The following XPO1 variants were observed in gnomAD, a reference collection of about 807,000 sequenced individuals.
XPO1 encodes exportin 1.
XPO1 carries 5 observed loss-of-function variants against 133.3 expected under a neutral mutation model. The ratio of observed to expected loss-of-function variants is 0.04; its 90% CI spans 0.02 to 0.08. XPO1 has a LOEUF of 0.08. Ranked by LOEUF, XPO1 falls within the 10% of genes least tolerant of loss-of-function variation. The pLI, the probability that XPO1 is intolerant of heterozygous loss-of-function variation, is 1.00. For synonymous variants in XPO1, 419 were observed against 408.2 expected, an observed-to-expected ratio of 1.03 and a Z score of -0.32; for missense variants, 506 against 1,267.5, an observed-to-expected ratio of 0.40 and a Z score of 9.12.
At chr2:61,488,127 C>A (rs751857598) in intron 19 of XPO1, 38 bp downstream of exon 19, 23 of 1,560,990 alleles carry the variant, frequency 1.5e-5, no homozygotes, top group Middle Eastern at 1.7e-4. Context: ...AACACAGCAT[C>A]AACACTAGAA....
intron 2 of XPO1, among the ~76,000 whole-genome samples, chr2:61,528,770 T>C (rs1699028134): frequency 1.2e-5 from 1 of 81,310 alleles, no homozygotes; most frequent in African/African-American, 4.4e-5. Context: ...TATATATATA[T>C]ATATATATAT....
intron 6 of XPO1, 63 bp from the exon 7 acceptor site, chr2:61,499,957 A>G: frequency 6.7e-7 from 1 of 1,498,948 alleles, no homozygotes; most frequent in East Asian, 2.3e-5. Flanking sequence ...AACAAACTTC[A>G]AAGAAATTAT....
At chr2:61,481,850 C>T (rs1696376162) in intron 23 of XPO1, among the ~76,000 whole-genome samples, 2 of 151,894 alleles carry the variant, frequency 1.3e-5, no homozygotes. Flanking sequence ...AGTTCTCCCC[C>T]TCAGCCTCCC....
intron 3 of XPO1, among the ~76,000 whole-genome samples, chr2:61,522,928 G>A (rs1179099670): frequency 6.6e-6 from 1 of 152,108 alleles, no homozygotes; most frequent in Non-Finnish European, 1.5e-5. Flanking sequence ...CTCACACCAG[G>A]AGGAAGAACC....
At chr2:61,532,494 C>A (rs1165617681) in intron 2 of XPO1, among the ~76,000 whole-genome samples, 3 of 152,038 alleles carry the variant, frequency 2.0e-5, no homozygotes, top group Non-Finnish European at 2.9e-5. Context: ...CATCTACTAG[C>A]TGAACATTTA....
chr2:61,537,783 A>ACACC lies in XPO1; in HGVS notation c.-229_-228insGGTG, dbSNP rs1236674701. 30 of 130,900 alleles carry ACACC rather than the reference A, an allele frequency of 2.3e-4. No homozygotes were observed. Among genetic ancestry groups the ACACC allele is most frequent in the South Asian group, 7.5e-4 (3 of 4,012 alleles). The allele number at this position is 130,900 out of a possible 1,614,324, so 8.1% of individuals were successfully genotyped here. On this transcript the variant is annotated 5_prime_UTR_variant, in exon 1 of 25. Coordinates refer to ENST00000401558, the MANE Select transcript of XPO1 (RefSeq NM_003400.4). The stretch of plus-strand genomic sequence containing the variant: ...CACACACACACACACACACACACAC[A>ACACC]CCCGCCCCCCCCCAAAAGGGGAATT...
At chr2:61,498,585 G>A in intron 9 of XPO1, 88 bp downstream of exon 9, 1 of 1,521,418 alleles carries the variant, frequency 6.6e-7, no homozygotes. Context: ...GGTTGAATAA[G>A]GTTTAGAATG....
Position 61,497,005 on chromosome 2 carries a change from G to A in XPO1, c.762C>T (p.Phe254=), listed in dbSNP as rs2104472864. ...TKLISTLIYK[F]LNVPMFRNVS... ...CATTTCGAAACATTGGAACATTCAG[G>A]AACTATTTAAAAGGGGGGAGGGAAC... The change falls in exon 10 of 25, where the codon TTC becomes TTT. Residue 254 remains phenylalanine (F), a splice_region_variant and synonymous_variant. Coordinates refer to ENST00000401558, the MANE Select transcript of XPO1 (RefSeq NM_003400.4). 3 of 1,609,278 alleles carry A rather than the reference G, an allele frequency of 1.9e-6. No homozygotes were observed. The highest frequency in any genetic ancestry group is 2.5e-6 in the Non-Finnish European group (3 of 1,178,742).
intron 9 of XPO1, among the ~76,000 whole-genome samples, chr2:61,497,580 T>C (rs980899834): frequency 6.6e-6 from 1 of 152,208 alleles, no homozygotes; most frequent in Non-Finnish European, 1.5e-5. Flanking sequence ...ATCTGTGATA[T>C]GACTTTTAGG....
At position 61,478,085 on chromosome 2, in the gene XPO1, G is replaced by C; in HGVS notation, c.*735C>G. 1 of 230,334 alleles carries C rather than the reference G, an allele frequency of 4.3e-6. No individual in the cohort carries two copies. The highest frequency in any genetic ancestry group is 2.2e-5 in the African/African-American group (1 of 45,186). The allele number at this position is 230,334 out of a possible 1,614,324, so 14.3% of individuals were successfully genotyped here. A position where few individuals can be genotyped will look rare whatever the true frequency, so the allele number is the denominator to read the frequency against. Reference sequence around the variant, plus strand: ...AAAAAGATGCAGCCTATTCTAACAGGATAAATATTTTTAACCATTTCACTT... The same window carrying C: ...AAAAAGATGCAGCCTATTCTAACAGCATAAATATTTTTAACCATTTCACTT... On this transcript the variant is annotated 3_prime_UTR_variant, in exon 25 of 25. Coordinates refer to ENST00000401558, the MANE Select transcript of XPO1 (RefSeq NM_003400.4).
intron 2 of XPO1, 108 bp from the exon 3 acceptor site, chr2:61,526,629 C>T: frequency 1.3e-6 from 1 of 752,086 alleles, no homozygotes; most frequent in East Asian, 3.3e-5. Context: ...GACAGAGATT[C>T]TATTATTGAT....
chr2:61,528,736 TATATA>T (rs1699023137), intron 2 of XPO1, among the ~76,000 whole-genome samples: 8 of 1,890 alleles, frequency 4.2e-3, no homozygotes, highest in African/African-American at 7.7e-3. Context: ...ATTTTATTTA[TATATA>T]TATATATATA....
At chr2:61,494,233 A>G in intron 11 of XPO1, 142 bp from the exon 12 acceptor site, 1 of 750,120 alleles carries the variant, frequency 1.3e-6, no homozygotes, top group Non-Finnish European at 2.1e-6. Flanking sequence ...TCAAATAGAC[A>G]GCAAACTCTG....
At chr2:61,504,362 C>A (rs1697693334) in intron 4 of XPO1, among the ~76,000 whole-genome samples, 1 of 152,118 alleles carries the variant, frequency 6.6e-6, no homozygotes, top group Non-Finnish European at 1.5e-5. Context: ...ATTCTGAGAA[C>A]ATTTTTAAAG....
rs934592829 is a variant in XPO1, at chr2:61,478,101, C to T, written c.*719G>A. On this transcript the variant is annotated 3_prime_UTR_variant, in exon 25 of 25. Transcript: ENST00000401558. ...TTCTAACAGGATAAATATTTTTAACCATTTCACTTCGAGTTAATGAAGGCT... is the reference window on the plus strand; with the variant it reads ...TTCTAACAGGATAAATATTTTTAACTATTTCACTTCGAGTTAATGAAGGCT... The T allele has an allele frequency of 8.9e-6, 2 of 224,142 alleles. No individual in the cohort carries two copies. The highest frequency in any genetic ancestry group is 1.8e-5 in the Non-Finnish European group (2 of 112,428). 13.9% of individuals were successfully genotyped at this position (224,142 alleles called of 1,614,324 possible). A position where few individuals can be genotyped will look rare whatever the true frequency, so the allele number is the denominator to read the frequency against.
intron 19 of XPO1, among the ~76,000 whole-genome samples, chr2:61,486,932 A>C (rs1696724119): frequency 1.3e-5 from 2 of 151,992 alleles, no homozygotes; most frequent in Non-Finnish European, 2.9e-5. Flanking sequence ...ATGCCCAGTA[A>C]GATTTTCATG....
At chr2:61,523,118 G>A (rs1168026539) in intron 3 of XPO1, among the ~76,000 whole-genome samples, 1 of 152,182 alleles carries the variant, frequency 6.6e-6, no homozygotes, top group Non-Finnish European at 1.5e-5. Context: ...GGAGTTATAA[G>A]CTTTTGGCCA....
At chr2:61,535,414 T>C (rs1699316067) in intron 1 of XPO1, among the ~76,000 whole-genome samples, 1 of 152,224 alleles carries the variant, frequency 6.6e-6, no homozygotes, top group Non-Finnish European at 1.5e-5. Context: ...TCTCCACTTC[T>C]TCCCATTTTA....
At position 61,492,522 on chromosome 2, in the gene XPO1, T is replaced by G; in HGVS notation, c.1567-41A>C. 6.3e-7 allele frequency: 1 copy of G among 1,594,422 alleles called. No homozygotes were observed. The highest frequency in any genetic ancestry group is 8.5e-7 in the Non-Finnish European group (1 of 1,173,020). ...ATTTGTATTATTTATTGTAACAACA[T>G]AATACTTATTTAGCAATTCTAATTC... On this transcript the variant is annotated intron_variant, in intron 14 of 24. Transcript: ENST00000401558. This position sits in a 1 kb window ranked among gnomAD's most constrained non-coding sequence, Gnocchi z 5.6.
Sources: allele counts gnomAD v4.1 joint callset (sites outside exome capture counted in the v4.1 genomes callset), GRCh38; gene constraint gnomAD v4.1.1; non-coding constraint Gnocchi (gnomAD v3.1); transcripts MANE v1.5; gene names NCBI Gene and HGNC (gene_info 2026-07-23, HGNC 2026-07-21).